Variants in SAMTOR observed in about 807,000 individuals in gnomAD.
The protein encoded by SAMTOR is UPF0532 protein C7orf60.
At chr7:112,896,290 T>G in the SAMTOR span, among the ~76,000 whole-genome samples, 5 of 152,216 alleles carry the variant, frequency 3.3e-5, no homozygotes, top group Admixed American at 3.3e-4. Flanking sequence ...TTCTTCTTAT[T>G]TGCACTTAAT....
the SAMTOR span, among the ~76,000 whole-genome samples, chr7:112,938,494 A>C: frequency 1.5e-4 from 23 of 152,328 alleles, no homozygotes; most frequent in African/African-American, 5.5e-4. Flanking sequence ...CAGTAACATG[A>C]TCTTACCTGT....
chr7:112,831,613 C>G, the SAMTOR span, among the ~76,000 whole-genome samples: 5 of 152,124 alleles, frequency 3.3e-5, no homozygotes. Flanking sequence ...GATCATGCCA[C>G]TGCACTCAAG....
At chr7:112,839,802 T>G in the SAMTOR span, among the ~76,000 whole-genome samples, 1 of 151,878 alleles carries the variant, frequency 6.6e-6, no homozygotes, top group Non-Finnish European at 1.5e-5. Flanking sequence ...GTTTCATATA[T>G]GCATACGATA....
At chr7:112,859,188 C>T in the SAMTOR span, among the ~76,000 whole-genome samples, 2 of 152,148 alleles carry the variant, frequency 1.3e-5, no homozygotes, top group African/African-American at 2.4e-5. Context: ...TGCCAGCCCC[C>T]ACGATTCATG....
the SAMTOR span, chr7:112,819,644 A>C: frequency 1.3e-5 from 2 of 152,560 alleles, no homozygotes; most frequent in Non-Finnish European, 2.9e-5. Flanking sequence ...AGGTTTTATA[A>C]AGAGACTTCC....
At chr7:112,856,891 A>G in the SAMTOR span, among the ~76,000 whole-genome samples, 3 of 152,174 alleles carry the variant, frequency 2.0e-5, no homozygotes, top group African/African-American at 7.2e-5. Context: ...CAGAATACAG[A>G]TAGCTTCAGC....
At chr7:112,825,748 T>C in the SAMTOR span, among the ~76,000 whole-genome samples, 10 of 152,210 alleles carry the variant, frequency 6.6e-5, no homozygotes, top group African/African-American at 2.4e-4. Flanking sequence ...CATCCTTATC[T>C]TGTTTTTGTG....
At chr7:112,877,328 T>TA in the SAMTOR span, among the ~76,000 whole-genome samples, 4 of 152,196 alleles carry the variant, frequency 2.6e-5, no homozygotes, top group African/African-American at 9.6e-5. Flanking sequence ...AGAATAAAAA[T>TA]AAAATGTGTT....
the SAMTOR span, among the ~76,000 whole-genome samples, chr7:112,914,239 T>C: frequency 6.6e-6 from 1 of 151,634 alleles, no homozygotes; most frequent in South Asian, 2.1e-4. Flanking sequence ...GACAATGCTT[T>C]ATTTTTGGGA....
the SAMTOR span, among the ~76,000 whole-genome samples, chr7:112,900,880 T>C: frequency 1.3e-5 from 2 of 152,190 alleles, no homozygotes; most frequent in African/African-American, 4.8e-5. Context: ...CTTACACCTT[T>C]GACAAAAATT....
At chr7:112,853,042 A>G in the SAMTOR span, among the ~76,000 whole-genome samples, 1 of 152,118 alleles carries the variant, frequency 6.6e-6, no homozygotes, top group Admixed American at 6.5e-5. Context: ...GTAAAGTGAT[A>G]AAACACACTA....
chr7:112,882,235 C>T, the SAMTOR span, among the ~76,000 whole-genome samples: 5 of 152,190 alleles, frequency 3.3e-5, no homozygotes, highest in Non-Finnish European at 7.3e-5. Context: ...TTGCCCTTGG[C>T]AGGCATGGGA....
chr7:112,836,240 G>A, the SAMTOR span, among the ~76,000 whole-genome samples: 1 of 152,148 alleles, frequency 6.6e-6, no homozygotes. Context: ...AACGTTTAGT[G>A]ATGTTGAGCA....
chr7:112,893,978 G>A, the SAMTOR span, among the ~76,000 whole-genome samples: 1 of 152,232 alleles, frequency 6.6e-6, no homozygotes, highest in East Asian at 1.9e-4. Flanking sequence ...TGGTAGAAAA[G>A]GCCTAGCTTT....
chr7:112,884,080 C>G, the SAMTOR span, among the ~76,000 whole-genome samples: 1 of 152,112 alleles, frequency 6.6e-6, no homozygotes, highest in African/African-American at 2.4e-5. Context: ...TTTTATAAGC[C>G]CATTAATAAA....
At chr7:112,876,525 AC>A in the SAMTOR span, among the ~76,000 whole-genome samples, 1 of 152,094 alleles carries the variant, frequency 6.6e-6, no homozygotes, top group Admixed American at 6.5e-5. Context: ...GTATTTCCCT[AC>A]CTCAACCAGG....
chr7:112,869,735 A>T, the SAMTOR span, among the ~76,000 whole-genome samples: 1 of 152,174 alleles, frequency 6.6e-6, no homozygotes, highest in African/African-American at 2.4e-5. Context: ...GAATAAAATG[A>T]CTGAAATGAT....
the SAMTOR span, chr7:112,821,377 A>G: frequency 1.3e-5 from 2 of 158,588 alleles, no homozygotes; most frequent in African/African-American, 4.8e-5. Context: ...ACAGCTTTCT[A>G]CATCTTAAAG....
chr7:112,846,932 AT>A, the SAMTOR span, among the ~76,000 whole-genome samples: 1 of 152,202 alleles, frequency 6.6e-6, no homozygotes, highest in Non-Finnish European at 1.5e-5. Context: ...ACTGCTTATA[AT>A]TGTTTCTCAA....
Sources: allele counts gnomAD v4.1 joint callset (sites outside exome capture counted in the v4.1 genomes callset), GRCh38; gene constraint gnomAD v4.1.1; transcripts MANE v1.5; gene names NCBI Gene and HGNC (gene_info 2026-07-23, HGNC 2026-07-21).